Variants in SERPINB6 observed in about 807,000 individuals in gnomAD.
The protein encoded by SERPINB6 is serpin family B member 6.
A neutral mutation model predicts 26.1 loss-of-function variants in SERPINB6; 16 were observed. The observed-to-expected ratio is 0.61, with a 90% CI of 0.42 to 0.93. SERPINB6 has a LOEUF of 0.93. Ranked by LOEUF, SERPINB6 falls within the 40% of genes least tolerant of loss-of-function variation. SERPINB6 has a pLI of 0.00. For synonymous variants in SERPINB6, 174 were observed against 176.6 expected (o/e 0.99, Z 0.11); for missense variants, 420 against 478.0 (o/e 0.88, Z 1.13).
At position 2,955,517 on chromosome 6, in the gene SERPINB6, G is replaced by T. The variant is rs376836155; in HGVS notation, c.312+7C>A. 2.5e-6 allele frequency: 4 copies of T among 1,614,056 alleles called. No homozygotes were observed. The African/African-American group carries it at 5.3e-5, about 22-fold the overall frequency. On this transcript the variant is annotated splice_region_variant and intron_variant, in intron 3 of 6. Transcript: ENST00000380539. ...TTCTTTAGTGAATAAGAGCAAGTAT[G>T]ACTTACTGAGAGGAAATCACAAGAC...
At chr6:2,954,785 A>C (rs1770240078) in intron 3 of SERPINB6, 76 bp from the exon 4 acceptor site, 1 of 939,570 alleles carries the variant, frequency 1.1e-6, no homozygotes, top group Non-Finnish European at 1.7e-6. Flanking sequence ...TCATTGCACC[A>C]AGTCAGAAAA....
At chr6:2,964,662 G>C (rs1771448914) in intron 1 of SERPINB6, among the ~76,000 whole-genome samples, 2 of 152,046 alleles carry the variant, frequency 1.3e-5, no homozygotes, top group African/African-American at 4.8e-5. Flanking sequence ...AAAATCAGGT[G>C]GTGTTAAAAG....
chr6:2,951,752 C>A lies in SERPINB6; in HGVS notation c.573+1292G>T, dbSNP rs905729904. 3.3e-5 allele frequency among the ~76,000 whole-genome samples: 5 copies of A among 152,320 alleles called. No individual in the cohort carries two copies. In the East Asian group the frequency reaches 7.7e-4, roughly 23 times the overall value. ...CCCCTTCCTTCACCCTTCTTCACTGCAGAACTCAGAAAGCATGACGGGATT... is the reference window on the plus strand; with the variant it reads ...CCCCTTCCTTCACCCTTCTTCACTGAAGAACTCAGAAAGCATGACGGGATT... On this transcript the variant is annotated intron_variant, in intron 5 of 6. Coordinates refer to ENST00000380539, the MANE Select transcript of SERPINB6 (RefSeq NM_004568.6).
intron 1 of SERPINB6, chr6:2,968,955 T>A (rs759732941): frequency 1.6e-6 from 2 of 1,222,032 alleles, no homozygotes; most frequent in Non-Finnish European, 2.0e-6. Context: ...GTCGGGGGGC[T>A]TCTACTGGAT....
chr6:2,951,388 GAAAAAATAAAAAATAAA>G (rs1769778053), intron 5 of SERPINB6, among the ~76,000 whole-genome samples: 1 of 86,310 alleles, frequency 1.2e-5, no homozygotes, highest in Non-Finnish European at 2.8e-5. Flanking sequence ...CTCTGTCTTG[GAAAAAATAAAAAATAAA>G]AAAAAAAAAT....
chr6:2,966,398 A>C, intron 1 of SERPINB6: 9 of 986,930 alleles, frequency 9.1e-6, no homozygotes, highest in Non-Finnish European at 1.1e-5. Context: ...AAACACACTT[A>C]CTTTATATGC....
intron 4 of SERPINB6, among the ~76,000 whole-genome samples, chr6:2,954,041 A>C (rs1391315656): frequency 6.6e-6 from 1 of 152,034 alleles, no homozygotes. Context: ...AAAGAAAAAA[A>C]AAGAAAATTG....
chr6:2,955,416 C>T, intron 3 of SERPINB6, 108 bp downstream of exon 3: 2 of 1,277,620 alleles, frequency 1.6e-6, no homozygotes, highest in African/African-American at 2.9e-5. Context: ...TTACAAAAGC[C>T]TATGTATGGC....
intron 2 of SERPINB6, chr6:2,956,009 G>A (rs181544949): frequency 1.7e-5 from 5 of 286,112 alleles, no homozygotes; most frequent in Admixed American, 9.2e-5. Context: ...CCGGGAGGCG[G>A]AGGTTGCAGT....
intron 1 of SERPINB6, among the ~76,000 whole-genome samples, chr6:2,962,747 TTTAA>T (rs1771255738): frequency 6.6e-6 from 1 of 152,218 alleles, no homozygotes; most frequent in African/African-American, 2.4e-5. Context: ...GTCCTAGAGA[TTTAA>T]TTTTCTTAGC....
chr6:2,950,500 T>A (rs548129980), intron 5 of SERPINB6, among the ~76,000 whole-genome samples: 1 of 140,346 alleles, frequency 7.1e-6, no homozygotes, highest in African/African-American at 2.7e-5. Flanking sequence ...ACCGCTGCAC[T>A]CCAGCCTGGG....
At position 2,953,179 on chromosome 6, in the gene SERPINB6, A is replaced by T; in HGVS notation, c.438T>A (p.Ile146=). Residue 146 remains isoleucine (I), a synonymous_variant, in exon 5 of 7, where the codon ATT becomes ATA. Transcript: ENST00000380539. ...TWVAEKTEGK[I]AELLSPGSVD... ...CTGAGCCCGGAGAGAGCAACTCCGC[A>T]ATTTTACCTGAGCGGAAGAATTCAA... 1 of 1,614,180 alleles carries T rather than the reference A, an allele frequency of 6.2e-7. No individual in the cohort carries two copies. The highest frequency in any genetic ancestry group is 8.5e-7 in the Non-Finnish European group (1 of 1,180,038).
intron 1 of SERPINB6, chr6:2,966,427 C>T (rs931395880): frequency 9.1e-6 from 9 of 986,542 alleles, no homozygotes; most frequent in South Asian, 9.4e-5. Context: ...CCAGCAGATC[C>T]GTCTGTGGTC....
intron 2 of SERPINB6, chr6:2,957,168 G>C (rs1770599254): frequency 6.5e-6 from 1 of 153,254 alleles, no homozygotes; most frequent in East Asian, 1.9e-4. Flanking sequence ...AGGGGGCTGT[G>C]TGTGTACCAG....
chr6:2,951,921 G>A (rs1980652), intron 5 of SERPINB6, among the ~76,000 whole-genome samples: 91,241 of 152,060 alleles, frequency 0.6, 28,489 homozygotes, highest in East Asian at 0.8. Context: ...CTGCCACCGG[G>A]ACTGCTGAAG....
chr6:2,954,859 A>G, intron 3 of SERPINB6, 150 bp from the exon 4 acceptor site: 1 of 662,752 alleles, frequency 1.5e-6, no homozygotes, highest in Non-Finnish European at 2.7e-6. Flanking sequence ...CCTAAACTAC[A>G]ACTTCCTAGC....
chr6:2,959,403 G>C, intron 1 of SERPINB6, 61 bp from the exon 2 acceptor site: 2 of 1,560,664 alleles, frequency 1.3e-6, no homozygotes, highest in Non-Finnish European at 1.8e-6. Flanking sequence ...TGCATCTCAC[G>C]CGCCTTACCG....
chr6:2,961,326 T>A (rs1771081526), intron 1 of SERPINB6: 1 of 152,166 alleles, frequency 6.6e-6, no homozygotes. Flanking sequence ...TAATTTCTAA[T>A]AAAAGGACAA....
chr6:2,968,662 CTTTAT>C, intron 1 of SERPINB6: 2 of 1,226,886 alleles, frequency 1.6e-6, no homozygotes, highest in Non-Finnish European at 1.0e-6. Context: ...CTGGTGTTTG[CTTTAT>C]TTTATTTAGG....
Sources: gnomAD v4.1 joint callset for allele counts (sites outside exome capture counted in the v4.1 genomes callset) on GRCh38, gnomAD v4.1.1 for gene constraint, MANE v1.5 for transcripts, NCBI Gene and HGNC (gene_info 2026-07-23, HGNC 2026-07-21) for gene names.